RBMS3: variants seen among roughly 807,000 people sequenced by gnomAD.
RBMS3 encodes RNA-binding motif, single-stranded-interacting protein 3.
In RBMS3, 27 loss-of-function variants were observed where a neutral mutation model predicts 66.8. The observed-to-expected ratio is 0.40, with a 90% CI of 0.30 to 0.56. The LOEUF is 0.56. Among genes scored for constraint, RBMS3 ranks in the 20% least tolerant of loss-of-function variants. The pLI is 0.40. For missense variants in RBMS3, 513 were observed against 549.5 expected (o/e 0.93, Z 0.66); for synonymous variants, 188 against 183.0 (o/e 1.03, Z -0.22).
At chr3:29,702,793 G>A (rs575258122) in intron 4 of RBMS3, among the ~76,000 whole-genome samples, 50 of 152,286 alleles carry the variant, frequency 3.3e-4, no homozygotes, top group African/African-American at 1.0e-3. Context: ...CCAGAAGGAA[G>A]AAACTCCGAA....
chr3:29,768,651 T>C (rs2056038885), intron 6 of RBMS3, among the ~76,000 whole-genome samples: 1 of 151,896 alleles, frequency 6.6e-6, no homozygotes, highest in Non-Finnish European at 1.5e-5. Flanking sequence ...GACAAACGTC[T>C]TCTACAAACT....
chr3:29,970,087 A>G (rs2149757222), intron 12 of RBMS3, among the ~76,000 whole-genome samples: 1 of 152,330 alleles, frequency 6.6e-6, no homozygotes, highest in African/African-American at 2.4e-5. Flanking sequence ...AACTTACAGC[A>G]GTTTAAATAT....
At chr3:29,305,123 G>C (rs377593451) in intron 1 of RBMS3, among the ~76,000 whole-genome samples, 2 of 151,604 alleles carry the variant, frequency 1.3e-5, no homozygotes, top group African/African-American at 2.4e-5. Context: ...TTCCCTCTTC[G>C]TCAGTGGCCC....
chr3:29,473,782 G>A (rs1354897451), intron 2 of RBMS3, among the ~76,000 whole-genome samples: 1 of 152,200 alleles, frequency 6.6e-6, no homozygotes, highest in Admixed American at 6.5e-5. Flanking sequence ...GGCAGGGCCG[G>A]CCAGCCCCTC....
intron 2 of RBMS3, among the ~76,000 whole-genome samples, chr3:29,480,275 G>A (rs2043085207): frequency 6.6e-6 from 1 of 152,144 alleles, no homozygotes; most frequent in African/African-American, 2.4e-5. Flanking sequence ...CAGAAACTCG[G>A]GGGTTGAGGC....
intron 7 of RBMS3, chr3:29,880,855 A>G (rs1390900779): frequency 1.3e-6 from 2 of 1,520,290 alleles, no homozygotes; most frequent in Non-Finnish European, 1.8e-6. Flanking sequence ...CCCTTTTGCA[A>G]TGAAAATCTC....
intron 4 of RBMS3, among the ~76,000 whole-genome samples, chr3:29,590,519 C>T (rs1442431377): frequency 2.0e-5 from 3 of 151,888 alleles, no homozygotes; most frequent in South Asian, 4.1e-4. Flanking sequence ...TTTTTTATTG[C>T]CTACTCTGTC....
chr3:29,747,898 G>C (rs1274527314), intron 5 of RBMS3, among the ~76,000 whole-genome samples: 1 of 152,142 alleles, frequency 6.6e-6, no homozygotes, highest in Admixed American at 6.5e-5. Flanking sequence ...GCTGTTTTAG[G>C]CTTGAAGGTG....
intron 4 of RBMS3, among the ~76,000 whole-genome samples, chr3:29,607,242 C>G (rs74921545): frequency 6.6e-6 from 1 of 151,758 alleles, no homozygotes; most frequent in Non-Finnish European, 1.5e-5. Flanking sequence ...TTTTTGTTGC[C>G]TTAGTCCCAT....
intron 1 of RBMS3, among the ~76,000 whole-genome samples, chr3:29,393,132 T>C (rs1338821509): frequency 6.6e-6 from 1 of 152,138 alleles, no homozygotes; most frequent in African/African-American, 2.4e-5. Context: ...ACATAACCTT[T>C]TCTATGACTT....
chr3:29,511,203 G>T (rs1362710271), intron 3 of RBMS3, among the ~76,000 whole-genome samples: 1 of 152,056 alleles, frequency 6.6e-6, no homozygotes, highest in Admixed American at 6.6e-5. Context: ...AGGCTGAGGC[G>T]GGAGAATCAC....
At chr3:29,604,093 C>T (rs2048239815) in intron 4 of RBMS3, among the ~76,000 whole-genome samples, 1 of 151,858 alleles carries the variant, frequency 6.6e-6, no homozygotes, top group African/African-American at 2.4e-5. Context: ...ATTATTCGGT[C>T]TAAAATATCA....
chr3:29,949,753 A>T (rs1228604445), intron 12 of RBMS3, among the ~76,000 whole-genome samples: 2 of 151,306 alleles, frequency 1.3e-5, no homozygotes, highest in Admixed American at 6.6e-5. Context: ...TTTTTTATAT[A>T]TTTTTTTAAT....
intron 2 of RBMS3, among the ~76,000 whole-genome samples, chr3:29,481,634 C>G (rs1156557937): frequency 1.3e-5 from 2 of 152,102 alleles, no homozygotes; most frequent in Admixed American, 6.5e-5. Context: ...GGAGAACAGT[C>G]TGAGCAAGTA....
chr3:29,313,250 T>G (rs1479620786), intron 1 of RBMS3, among the ~76,000 whole-genome samples: 3 of 151,920 alleles, frequency 2.0e-5, no homozygotes, highest in Non-Finnish European at 4.4e-5. Flanking sequence ...ACATCTGGTC[T>G]TGTTTAATGC....
intron 9 of RBMS3, among the ~76,000 whole-genome samples, chr3:29,898,264 A>G (rs1427510682): frequency 1.3e-5 from 2 of 151,730 alleles, no homozygotes; most frequent in East Asian, 3.9e-4. Context: ...GCCTATATAT[A>G]TGCTGCACGT....
chr3:29,292,163 A>G (rs2032869358), intron 1 of RBMS3, among the ~76,000 whole-genome samples: 1 of 151,752 alleles, frequency 6.6e-6, no homozygotes, highest in African/African-American at 2.4e-5. Flanking sequence ...TTTCATCAGC[A>G]GATGCAATGA....
chr3:29,983,020 C>T (rs560962403), intron 12 of RBMS3, among the ~76,000 whole-genome samples: 20 of 152,134 alleles, frequency 1.3e-4, no homozygotes, highest in East Asian at 5.8e-4. Context: ...TAAAGTGTCC[C>T]GCTATTATGG....
intron 4 of RBMS3, among the ~76,000 whole-genome samples, chr3:29,623,543 G>C (rs1035708911): frequency 2.1e-5 from 3 of 146,228 alleles, no homozygotes; most frequent in African/African-American, 7.6e-5. Flanking sequence ...GCAGTGAGCC[G>C]AGATCACACC....
Sources: allele counts gnomAD v4.1 joint callset (sites outside exome capture counted in the v4.1 genomes callset), GRCh38; gene constraint gnomAD v4.1.1; transcripts MANE v1.5; gene names NCBI Gene and HGNC (gene_info 2026-07-23, HGNC 2026-07-21).